The following MAPK10 variants were observed in gnomAD, a reference collection of about 807,000 sequenced individuals.
MAPK10 encodes the protein mitogen-activated protein kinase 10.
MAPK10 carries 25 observed loss-of-function variants against 59.3 expected under a neutral mutation model. The ratio of observed to expected loss-of-function variants is 0.42; its 90% confidence interval spans 0.31 to 0.59. The LOEUF is 0.59. Ranked by LOEUF, MAPK10 falls within the 20% of genes least tolerant of loss-of-function variation. The probability of loss-of-function intolerance (pLI) is 0.15; values close to 1 mark genes in which losing one functional copy is unlikely to be tolerated. For synonymous variants in MAPK10, 190 were observed against 200.5 expected, an observed-to-expected ratio of 0.95 and a Z score of 0.44; for missense variants, 351 against 568.9, an observed-to-expected ratio of 0.62 and a Z score of 3.90.
At chr4:86,273,577 CT>C (rs2094493207) in intron 2 of MAPK10, among the ~76,000 whole-genome samples, 1 of 151,838 alleles carries the variant, frequency 6.6e-6, no homozygotes, top group Admixed American at 6.6e-5. Context: ...ATAAAACGGC[CT>C]GGTAGCATCT....
intron 2 of MAPK10, among the ~76,000 whole-genome samples, chr4:86,215,965 T>C (rs1359189301): frequency 1.3e-5 from 2 of 151,942 alleles, no homozygotes; most frequent in African/African-American, 4.8e-5. Flanking sequence ...CTACAGAAAA[T>C]AACAAGCGTT....
intron 11 of MAPK10, among the ~76,000 whole-genome samples, chr4:86,036,636 C>A (rs2040367779): frequency 6.6e-6 from 1 of 152,004 alleles, no homozygotes; most frequent in South Asian, 2.1e-4. Context: ...AAAGAGTAAT[C>A]CAGAGCAAGT....
rs1459044504 is a variant in MAPK10 at position 86,266,820 on chromosome 4, TATAAG to T, written c.-6-72418_-6-72414del. On this transcript the variant is annotated intron_variant, in intron 2 of 13. Coordinates refer to ENST00000641462, the MANE Select transcript of MAPK10 (RefSeq NM_138982.4). Reference sequence around the variant, plus strand: ...CATCTAAACAACCAGACCTAGGCAGTATAAGATATTAAAAATATAATAACACATCA... The same window carrying T: ...CATCTAAACAACCAGACCTAGGCAGTATATTAAAAATATAATAACACATCA... Among the ~76,000 whole-genome samples the T allele has an allele frequency of 3.9e-5, 6 of 152,208 alleles. No homozygotes were observed. The East Asian group carries it at 9.6e-4, about 24-fold the overall frequency.
At chr4:86,536,232 A>G (rs988075654) in intron 1 of MAPK10, among the ~76,000 whole-genome samples, 1 of 152,230 alleles carries the variant, frequency 6.6e-6, no homozygotes, top group Non-Finnish European at 1.5e-5. Context: ...TACTTATAAC[A>G]GTAAATATGC....
intron 1 of MAPK10, among the ~76,000 whole-genome samples, chr4:86,372,564 G>GAAAAGAAAAGAAAAGA (rs372381149): frequency 1.7e-4 from 13 of 78,686 alleles, no homozygotes; most frequent in African/African-American, 5.3e-4. Flanking sequence ...AAGAAAGAAA[G>GAAAAGAAAAGAAAAGA]AAAGAAAAGA....
chr4:86,436,007 T>C (rs1748675241), intron 1 of MAPK10, among the ~76,000 whole-genome samples: 1 of 152,222 alleles, frequency 6.6e-6, no homozygotes, highest in Non-Finnish European at 1.5e-5. Flanking sequence ...TAATCATATT[T>C]TGTTAAAAAT....
chr4:86,269,475 A>C (rs962440898), intron 2 of MAPK10, among the ~76,000 whole-genome samples: 1 of 152,120 alleles, frequency 6.6e-6, no homozygotes, highest in Admixed American at 6.6e-5. Context: ...CCTAAGTCTT[A>C]ATAATTCAAT....
At chr4:86,025,507 T>G (rs1220433956) in intron 13 of MAPK10, 2 of 398,316 alleles carry the variant, frequency 5.0e-6, no homozygotes, top group Non-Finnish European at 8.9e-6. Context: ...TTAAACAGAA[T>G]TGAACTGAAT....
chr4:86,022,561 G>T (rs10002407), intron 13 of MAPK10, among the ~76,000 whole-genome samples: 30,269 of 151,858 alleles, frequency 0.2, 3,166 homozygotes, highest in East Asian at 0.25. Context: ...CTGTAGCACA[G>T]TGGCATAGTC....
At chr4:86,190,583 G>A (rs577758960) in intron 3 of MAPK10, among the ~76,000 whole-genome samples, 87 of 152,186 alleles carry the variant, frequency 5.7e-4, no homozygotes, top group Admixed American at 1.2e-3. Context: ...TGTGGGATCA[G>A]TGGTGATATC....
At chr4:86,166,895 T>G (rs2007976) in intron 3 of MAPK10, among the ~76,000 whole-genome samples, 12,888 of 151,492 alleles carry the variant, frequency 0.085, 1,212 homozygotes, top group African/African-American at 0.23. Flanking sequence ...TAGAAAAACA[T>G]AGAGACACAA....
At chr4:86,071,868 A>C (rs1327397512) in intron 9 of MAPK10, among the ~76,000 whole-genome samples, 1 of 145,836 alleles carries the variant, frequency 6.9e-6, no homozygotes, top group Admixed American at 6.8e-5. Flanking sequence ...TTGACTTGGC[A>C]ATGCGGGCTC....
intron 3 of MAPK10, among the ~76,000 whole-genome samples, chr4:86,182,962 T>A (rs1182717427): frequency 6.6e-6 from 1 of 152,102 alleles, no homozygotes; most frequent in Non-Finnish European, 1.5e-5. Context: ...ACATTCTGTA[T>A]CTACACCCAA....
intron 3 of MAPK10, among the ~76,000 whole-genome samples, chr4:86,165,450 T>G (rs1296975220): frequency 6.6e-6 from 1 of 152,010 alleles, no homozygotes; most frequent in Admixed American, 6.6e-5. Context: ...CAATCATGGT[T>G]TGCTGCAGCC....
chr4:86,553,546 C>A (rs769760669), intron 1 of MAPK10, among the ~76,000 whole-genome samples: 4 of 152,276 alleles, frequency 2.6e-5, no homozygotes, highest in Admixed American at 6.5e-5. Context: ...GCCCTTATCC[C>A]AGCTGCTTAA....
intron 4 of MAPK10, among the ~76,000 whole-genome samples, chr4:86,135,097 C>T (rs917447461): frequency 5.3e-5 from 8 of 152,154 alleles, no homozygotes; most frequent in Non-Finnish European, 7.4e-5. Flanking sequence ...AAGGCAGCAG[C>T]GAGGCTGGGG....
At chr4:86,486,555 A>G (rs1232851581) in intron 1 of MAPK10, among the ~76,000 whole-genome samples, 1 of 152,208 alleles carries the variant, frequency 6.6e-6, no homozygotes, top group African/African-American at 2.4e-5. Context: ...TATTGAGAAA[A>G]TGAATAATGT....
chr4:86,152,507 G>A (rs2066725736), intron 4 of MAPK10: 1 of 152,074 alleles, frequency 6.6e-6, no homozygotes, highest in South Asian at 2.1e-4. Context: ...TCCATCACAG[G>A]AGAGGCAGAG....
chr4:86,260,689 G>T (rs549304486), intron 2 of MAPK10, among the ~76,000 whole-genome samples: 1 of 152,062 alleles, frequency 6.6e-6, no homozygotes, highest in East Asian at 1.9e-4. Context: ...AAGAAAACAC[G>T]TGACTGGCTT....
Sources: allele counts gnomAD v4.1 joint callset (sites outside exome capture counted in the v4.1 genomes callset), GRCh38; gene constraint gnomAD v4.1.1; transcripts MANE v1.5; gene names NCBI Gene and HGNC (gene_info 2026-07-23, HGNC 2026-07-21).